Variants in LRRC37A2 observed in about 807,000 individuals in gnomAD.
LRRC37A2 encodes leucine-rich repeat-containing protein 37A2.
A neutral mutation model predicts 68.8 loss-of-function variants in LRRC37A2; 9 were observed. The observed-to-expected ratio is 0.13, with a 90% CI of 0.08 to 0.23. The LOEUF (loss-of-function observed/expected upper bound fraction) is 0.23, where lower values mean the gene tolerates loss of function less well. Among genes scored for constraint, LRRC37A2 ranks in the 10% least tolerant of loss-of-function variants. The pLI is 1.00. For missense variants in LRRC37A2, 168 were observed against 950.4 expected, an observed-to-expected ratio of 0.18 and a Z score of 10.82; for synonymous variants, 63 against 367.6, an observed-to-expected ratio of 0.17 and a Z score of 9.48.
At chr17:46,810,656 C>T in the LRRC37A2 span, among the ~76,000 whole-genome samples, 1 of 151,934 alleles carries the variant, frequency 6.6e-6, no homozygotes, top group South Asian at 2.1e-4. Flanking sequence ...GAGCTCTGCA[C>T]CCCCCACCCT....
chr17:46,877,005 A>G, the LRRC37A2 span: 1 of 1,245,022 alleles, frequency 8.0e-7, no homozygotes, highest in Non-Finnish European at 1.0e-6. Flanking sequence ...GAAATAAGGG[A>G]GACCAAGAGC....
chr17:46,912,180 G>C, the LRRC37A2 span, among the ~76,000 whole-genome samples: 2 of 152,150 alleles, frequency 1.3e-5, no homozygotes, highest in Admixed American at 1.3e-4. Context: ...TCCCTGCTCC[G>C]TATGGCCCCA....
At chr17:46,957,039 T>G in the LRRC37A2 span, among the ~76,000 whole-genome samples, 1 of 152,162 alleles carries the variant, frequency 6.6e-6, no homozygotes, top group Non-Finnish European at 1.5e-5. Flanking sequence ...CTGGGTACGG[T>G]GGCTCACACT....
the LRRC37A2 span, chr17:47,010,861 AC>A: frequency 6.6e-6 from 1 of 152,176 alleles, no homozygotes; most frequent in Non-Finnish European, 1.5e-5. Flanking sequence ...GCAGGGATGG[AC>A]CTTCCTCCTT....
the LRRC37A2 span, among the ~76,000 whole-genome samples, chr17:46,712,685 C>G: frequency 9.9e-5 from 15 of 152,008 alleles, no homozygotes; most frequent in Non-Finnish European, 2.1e-4. Flanking sequence ...TGGGAGTGAA[C>G]GAAATCACTT....
the LRRC37A2 span, among the ~76,000 whole-genome samples, chr17:46,501,511 C>T: frequency 4.0e-5 from 6 of 151,362 alleles, no homozygotes; most frequent in East Asian, 9.7e-4. Flanking sequence ...AATGTGTGGG[C>T]GTGACCAAGT....
At chr17:46,529,805 A>G (rs2053395076) in intron 6 of LRRC37A2, among the ~76,000 whole-genome samples, 1 of 115,912 alleles carries the variant, frequency 8.6e-6, no homozygotes, top group Non-Finnish European at 1.9e-5. Context: ...TTAGTCAAGA[A>G]AAGAATGCCT....
At chr17:47,023,204 G>C in the LRRC37A2 span, among the ~76,000 whole-genome samples, 69,946 of 151,976 alleles carry the variant, frequency 0.46, 16,532 homozygotes, top group Non-Finnish European at 0.52. Context: ...GAGTTTTCTG[G>C]CCTTTGTTCA....
At chr17:46,902,986 A>G in the LRRC37A2 span, among the ~76,000 whole-genome samples, 1 of 152,188 alleles carries the variant, frequency 6.6e-6, no homozygotes, top group East Asian at 1.9e-4. Flanking sequence ...TTCTCGAAAA[A>G]GGATTCAAGA....
chr17:46,550,719 G>A (rs1280827568), intron 11 of LRRC37A2, among the ~76,000 whole-genome samples, 200 bp downstream of exon 10: 1 of 136,416 alleles, frequency 7.3e-6, no homozygotes, highest in Non-Finnish European at 1.5e-5. Context: ...CTCGCTTTCA[G>A]ATCTCTGTGA....
the LRRC37A2 span, among the ~76,000 whole-genome samples, chr17:47,015,006 C>CTTTTTTTTTTT: frequency 1.4e-4 from 15 of 106,118 alleles, no homozygotes; most frequent in Non-Finnish European, 2.0e-4. Context: ...CCATTTTTAT[C>CTTTTTTTTTTT]TTTTTTTTTT....
At chr17:46,942,773 A>G in the LRRC37A2 span, among the ~76,000 whole-genome samples, 4 of 152,344 alleles carry the variant, frequency 2.6e-5, no homozygotes, top group East Asian at 5.8e-4. Context: ...TGCTGTACTT[A>G]GAAGCTGAGA....
the LRRC37A2 span, among the ~76,000 whole-genome samples, chr17:46,455,775 AT>A: frequency 6.7e-6 from 1 of 148,344 alleles, no homozygotes; most frequent in African/African-American, 2.5e-5. Flanking sequence ...TGGGTGTAAT[AT>A]AAAGATATTA....
At chr17:46,521,542 T>C (rs1172733614) in intron 4 of LRRC37A2, among the ~76,000 whole-genome samples, 1 of 59,126 alleles carries the variant, frequency 1.7e-5, no homozygotes, top group Non-Finnish European at 4.3e-5. Context: ...GACCTGTTTA[T>C]GCTCAGAAGA....
At chr17:46,749,849 G>A in the LRRC37A2 span, 1 of 1,614,130 alleles carries the variant, frequency 6.2e-7, no homozygotes, top group Non-Finnish European at 8.5e-7. Flanking sequence ...AACGCTTTCA[G>A]CACCACCATC....
chr17:46,814,935 C>G, the LRRC37A2 span, among the ~76,000 whole-genome samples: 1 of 152,184 alleles, frequency 6.6e-6, no homozygotes, highest in South Asian at 2.1e-4. Context: ...TGCTATTTCC[C>G]AGCTCACTGC....
chr17:46,712,886 A>G, the LRRC37A2 span, among the ~76,000 whole-genome samples: 4 of 152,196 alleles, frequency 2.6e-5, no homozygotes, highest in Admixed American at 2.0e-4. Context: ...GAAAGAGGGG[A>G]ATTATGAATT....
the LRRC37A2 span, among the ~76,000 whole-genome samples, chr17:46,867,444 C>T: frequency 6.6e-6 from 1 of 152,218 alleles, no homozygotes; most frequent in African/African-American, 2.4e-5. Flanking sequence ...GGTGAGGGGA[C>T]AACCCTGAGG....
chr17:46,717,815 C>T, the LRRC37A2 span, among the ~76,000 whole-genome samples: 4 of 152,142 alleles, frequency 2.6e-5, no homozygotes, highest in East Asian at 1.9e-4. Context: ...AACAAGGTGA[C>T]GGAAATCACG....
Sources: allele counts gnomAD v4.1 joint callset (sites outside exome capture counted in the v4.1 genomes callset), GRCh38; gene constraint gnomAD v4.1.1; transcripts MANE v1.5; gene names NCBI Gene and HGNC (gene_info 2026-07-23, HGNC 2026-07-21).